Variants in TRAF3 observed in about 807,000 individuals in gnomAD.
The protein encoded by TRAF3 is TNF receptor-associated factor 3.
A neutral mutation model predicts 62.3 loss-of-function variants in TRAF3; 13 were observed. The observed-to-expected ratio is 0.21, with a 90% CI of 0.14 to 0.33. TRAF3 has a LOEUF of 0.33. Among genes scored for constraint, TRAF3 ranks in the 10% least tolerant of loss-of-function variants. TRAF3 has a pLI of 1.00. For missense variants in TRAF3, 440 were observed against 741.8 expected, an observed-to-expected ratio of 0.59 and a Z score of 4.73; for synonymous variants, 269 against 283.4, an observed-to-expected ratio of 0.95 and a Z score of 0.51.
intron 1 of TRAF3, among the ~76,000 whole-genome samples, chr14:102,805,220 G>A (rs1267799252): frequency 1.3e-5 from 2 of 152,214 alleles, no homozygotes; most frequent in African/African-American, 2.4e-5. Flanking sequence ...TCATGGGGGA[G>A]TTTGGAGGCC....
At chr14:102,880,838 G>A (rs1166739167) in intron 6 of TRAF3, among the ~76,000 whole-genome samples, 1 of 152,218 alleles carries the variant, frequency 6.6e-6, no homozygotes, top group Non-Finnish European at 1.5e-5. Context: ...AGCACTTTGG[G>A]AGGCCGAGGT....
chr14:102,859,990 A>G (rs2139775142), intron 2 of TRAF3, among the ~76,000 whole-genome samples: 1 of 152,308 alleles, frequency 6.6e-6, no homozygotes. Context: ...ACAGAACACA[A>G]CAGTGCAATG....
At chr14:102,778,235 C>G (rs1897113113) in intron 1 of TRAF3, among the ~76,000 whole-genome samples, 1 of 151,474 alleles carries the variant, frequency 6.6e-6, no homozygotes, top group Non-Finnish European at 1.5e-5. Flanking sequence ...CTCGCGCGGC[C>G]GCCGAGGGCC....
At chr14:102,889,679 A>G (rs775677244) in intron 8 of TRAF3, 45 bp downstream of exon 8, 23 of 1,598,832 alleles carry the variant, frequency 1.4e-5, no homozygotes, top group Non-Finnish European at 1.8e-5. Context: ...ACATTCTGCC[A>G]TGAGAGAAAG....
chr14:102,860,865 C>T (rs991985272), intron 2 of TRAF3, among the ~76,000 whole-genome samples: 1 of 152,264 alleles, frequency 6.6e-6, no homozygotes, highest in Non-Finnish European at 1.5e-5. Flanking sequence ...GAGCTAACTA[C>T]TACCCCAAAA....
intron 6 of TRAF3, among the ~76,000 whole-genome samples, chr14:102,879,221 G>A (rs1177759661): frequency 1.3e-5 from 2 of 152,132 alleles, no homozygotes; most frequent in African/African-American, 2.4e-5. Context: ...GAGGCACCAG[G>A]GCAGCTCAGC....
intron 1 of TRAF3, among the ~76,000 whole-genome samples, chr14:102,807,686 C>T (rs1382861310): frequency 6.6e-6 from 1 of 152,082 alleles, no homozygotes; most frequent in South Asian, 2.1e-4. Flanking sequence ...TTTTTCCTCA[C>T]CTTTCAGAGT....
At chr14:102,806,852 G>A (rs1470044426) in intron 1 of TRAF3, among the ~76,000 whole-genome samples, 1 of 152,190 alleles carries the variant, frequency 6.6e-6, no homozygotes, top group African/African-American at 2.4e-5. Flanking sequence ...TTGAGAGTGA[G>A]TGAATGGGGC....
intron 1 of TRAF3, among the ~76,000 whole-genome samples, chr14:102,823,250 T>C (rs1310356739): frequency 6.6e-6 from 1 of 152,194 alleles, no homozygotes; most frequent in Non-Finnish European, 1.5e-5. Context: ...TTGTGAGCAT[T>C]ATGTTGAGTT....
rs547956706 is a variant in TRAF3 at position 102,836,503 on chromosome 14, G to A, written c.-18+6031G>A. On this transcript the variant is annotated intron_variant, in intron 2 of 11. Transcript: ENST00000392745. ...TGAATCATTAGTGTATTAGGTAAAA[G>A]CCAACATTGCAGAATATAGTTTATT... 7.2e-5 allele frequency among the ~76,000 whole-genome samples: 11 copies of A among 152,294 alleles called. No homozygotes were observed. In the South Asian group the frequency reaches 2.1e-3, roughly 29 times the overall value.
At chr14:102,870,077 G>A in intron 2 of TRAF3, 108 bp from the exon 3 acceptor site, 2 of 1,350,048 alleles carry the variant, frequency 1.5e-6, no homozygotes, top group Middle Eastern at 2.0e-4. Context: ...TTCTTGTGTT[G>A]CCTAAAACTG....
intron 2 of TRAF3, among the ~76,000 whole-genome samples, chr14:102,838,197 A>G (rs984983610): frequency 6.6e-6 from 1 of 152,234 alleles, no homozygotes; most frequent in African/African-American, 2.4e-5. Context: ...TAATAACTAC[A>G]AGAAGTAAAT....
chr14:102,901,040 T>A (rs1890270740), intron 10 of TRAF3, among the ~76,000 whole-genome samples: 1 of 152,220 alleles, frequency 6.6e-6, no homozygotes, highest in South Asian at 2.1e-4. Context: ...TTGATACAGA[T>A]GAAGTGCCTG....
rs528255294 is a variant in TRAF3, at chr14:102,842,296, TATA to T, written c.-18+11829_-18+11831del. ...TATATTTTATTTATATAATAAAATA[TATA>T]ATAAAATAAATTTATATATAGTAAA... On this transcript the variant is annotated intron_variant, in intron 2 of 11. Coordinates refer to ENST00000392745, the MANE Select transcript of TRAF3 (RefSeq NM_145725.3). Among the ~76,000 whole-genome samples, 777 of 147,852 alleles carry T rather than the reference TATA, an allele frequency of 5.3e-3. 9 individuals are homozygous for T. The highest frequency in any genetic ancestry group is 0.019 in the African/African-American group (761 of 40,810).
At chr14:102,894,727 C>T (rs1195706928) in intron 9 of TRAF3, among the ~76,000 whole-genome samples, 1 of 152,134 alleles carries the variant, frequency 6.6e-6, no homozygotes, top group African/African-American at 2.4e-5. Context: ...TGCTTCTGCT[C>T]ATACTCAACT....
intron 2 of TRAF3, among the ~76,000 whole-genome samples, chr14:102,831,574 G>A (rs372433546): frequency 3.3e-5 from 5 of 152,336 alleles, no homozygotes; most frequent in Admixed American, 1.3e-4. Flanking sequence ...GCTCTCCTGA[G>A]TGCTCCTGGT....
At chr14:102,789,388 G>A (rs988658447) in intron 1 of TRAF3, among the ~76,000 whole-genome samples, 1 of 152,194 alleles carries the variant, frequency 6.6e-6, no homozygotes, top group Non-Finnish European at 1.5e-5. Flanking sequence ...GAGTGGAATT[G>A]CTGGTCATAC....
chr14:102,843,036 C>T (rs371928150), intron 2 of TRAF3, among the ~76,000 whole-genome samples: 3 of 151,852 alleles, frequency 2.0e-5, no homozygotes, highest in East Asian at 1.9e-4. Context: ...GGTGAAACCT[C>T]GTCTCTACTA....
At chr14:102,831,710 T>C (rs1900698605) in intron 2 of TRAF3, among the ~76,000 whole-genome samples, 1 of 152,186 alleles carries the variant, frequency 6.6e-6, no homozygotes. Context: ...GCTTAGAACT[T>C]TAATTCAAAA....
Sources: allele counts gnomAD v4.1 joint callset (sites outside exome capture counted in the v4.1 genomes callset), GRCh38; gene constraint gnomAD v4.1.1; transcripts MANE v1.5; gene names NCBI Gene and HGNC (gene_info 2026-07-23, HGNC 2026-07-21).